Variants in TDRD12 observed in about 807,000 individuals in gnomAD.
The protein encoded by TDRD12 is tudor domain containing 12, also known as putative ATP-dependent RNA helicase TDRD12.
TDRD12 carries 158 observed loss-of-function variants against 133.5 expected under a neutral mutation model. The ratio of observed to expected loss-of-function variants is 1.18; its 90% CI spans 1.04 to 1.35. TDRD12 has a LOEUF of 1.35. Among genes scored for constraint, TDRD12 ranks in the 40% most tolerant of loss-of-function variants. The probability of loss-of-function intolerance (pLI) is 0.00; values close to 1 mark genes in which losing one functional copy is unlikely to be tolerated. For missense variants in TDRD12, 1,443 were observed against 1,321.3 expected (o/e 1.09, Z -1.43); for synonymous variants, 460 against 477.9 (o/e 0.96, Z 0.49).
intron 27 of TDRD12, among the ~76,000 whole-genome samples, chr19:32,819,650 G>C (rs1967310333): frequency 6.6e-6 from 1 of 152,178 alleles, no homozygotes; most frequent in Admixed American, 6.5e-5. Flanking sequence ...AGAGCATACA[G>C]CACTGCGAGG....
At chr19:32,825,185 TGTGACACCGAGGATGGC>T (rs1398410685), downstream of TDRD12, among the ~76,000 whole-genome samples, 1 of 152,240 alleles carries the variant, frequency 6.6e-6, no homozygotes, top group Non-Finnish European at 1.5e-5. The surrounding 1 kb of genome is among the most constrained non-coding windows in gnomAD (Gnocchi z 4.1). Context: ...GCAGGCGGCA[TGTGACACCGAGGATGGC>T]GCTTTCTCAG....
At position 32,773,447 on chromosome 19, in the gene TDRD12, C is replaced by T. The variant is rs529014022; in HGVS notation, c.964-9C>T. 332 of 1,551,386 alleles carry T rather than the reference C, an allele frequency of 2.1e-4. 1 individual carries two copies. The highest frequency in any genetic ancestry group is 3.5e-5 in the Non-Finnish European group (40 of 1,146,780). On this transcript the variant is annotated splice_polypyrimidine_tract_variant and intron_variant, in intron 9 of 27. Transcript: ENST00000444215. ...CACATTCTTTCTGAAGAAAAGTTTT[C>T]TTTTACAGCGTGTTGAATCCTCAGT... is the stretch of plus-strand genomic sequence containing the variant.
intron 8 of TDRD12, among the ~76,000 whole-genome samples, chr19:32,763,725 G>T (rs1255544432): frequency 6.6e-6 from 1 of 152,210 alleles, no homozygotes; most frequent in Non-Finnish European, 1.5e-5. Context: ...TGACCCCGGA[G>T]TTTTAACTAA....
intron 1 of TDRD12, 103 bp downstream of exon 1, chr19:32,720,199 C>A: frequency 7.4e-7 from 1 of 1,353,130 alleles, no homozygotes; most frequent in Non-Finnish European, 1.0e-6. Flanking sequence ...GCACAGCTTC[C>A]TACACCCACC....
chr19:32,789,012 G>A (rs1970990228), intron 11 of TDRD12, among the ~76,000 whole-genome samples: 1 of 152,174 alleles, frequency 6.6e-6, no homozygotes, highest in South Asian at 2.1e-4. Flanking sequence ...CCCGAGTCCT[G>A]AGAGTTCTGC....
exon 8 of TDRD12, chr19:32,757,039 T>G (rs1463283540): frequency 1.3e-6 from 2 of 1,551,342 alleles, no homozygotes; most frequent in Non-Finnish European, 1.7e-6. Context: ...TTCTATCAGA[T>G]TCACATGGTG....
chr19:32,822,578 T>C, downstream of TDRD12, among the ~76,000 whole-genome samples: 1 of 151,800 alleles, frequency 6.6e-6, no homozygotes, highest in Non-Finnish European at 1.5e-5. Flanking sequence ...AAACCCCGTC[T>C]CTACTAAAAA....
At chr19:32,796,503 T>G (rs1971231664) in intron 14 of TDRD12, among the ~76,000 whole-genome samples, 1 of 151,856 alleles carries the variant, frequency 6.6e-6, no homozygotes, top group South Asian at 2.1e-4. Context: ...GAGAATCGCT[T>G]GAACCTGGGA....
chr19:32,805,121 G>A (rs1971505357), intron 21 of TDRD12, among the ~76,000 whole-genome samples: 1 of 149,740 alleles, frequency 6.7e-6, no homozygotes, highest in East Asian at 2.0e-4. Flanking sequence ...AACACACAGA[G>A]ACCCCGTCTC....
chr19:32,741,992 C>T (rs1456177308), intron 3 of TDRD12, among the ~76,000 whole-genome samples: 1 of 152,178 alleles, frequency 6.6e-6, no homozygotes, highest in Admixed American at 6.5e-5. Context: ...CTCTTTTGTG[C>T]AAAGTTGGCA....
chr19:32,810,371 A>T (rs1966961070), intron 23 of TDRD12, 94 bp downstream of exon 23: 1 of 1,056,192 alleles, frequency 9.5e-7, no homozygotes, highest in Non-Finnish European at 1.3e-6. Context: ...CATTTGACTG[A>T]GTGTGTATGT....
chr19:32,732,866 G>GT (rs1159602444), intron 2 of TDRD12, among the ~76,000 whole-genome samples: 3 of 152,206 alleles, frequency 2.0e-5, no homozygotes, highest in Non-Finnish European at 4.4e-5. Context: ...CAGGTCAATT[G>GT]TTTTTAAAAA....
chr19:32,781,745 G>A (rs1027063827), intron 11 of TDRD12, among the ~76,000 whole-genome samples: 4 of 151,490 alleles, frequency 2.6e-5, no homozygotes, highest in Admixed American at 6.6e-5. Flanking sequence ...TGTTGCCGGT[G>A]TTTGGAAGTT....
chr19:32,776,288 G>A (rs1452037219), intron 10 of TDRD12, among the ~76,000 whole-genome samples: 1 of 152,266 alleles, frequency 6.6e-6, no homozygotes, highest in East Asian at 1.9e-4. Context: ...TTTTCCTCAC[G>A]CAGTCTTTGG....
intron 21 of TDRD12, among the ~76,000 whole-genome samples, chr19:32,806,346 T>TTG (rs1568489884): frequency 1.3e-5 from 2 of 151,330 alleles, no homozygotes; most frequent in African/African-American, 4.9e-5. Flanking sequence ...AGTTTTTTTT[T>TTG]TTTTTTTTTT....
intron 24 of TDRD12, among the ~76,000 whole-genome samples, chr19:32,812,160 C>T (rs1183146453): frequency 1.3e-5 from 2 of 152,090 alleles, no homozygotes; most frequent in Non-Finnish European, 2.9e-5. Flanking sequence ...TGCGGGCTCA[C>T]GTGGCCATCC....
downstream of TDRD12, among the ~76,000 whole-genome samples, chr19:32,824,848 C>A (rs929615395): frequency 1.3e-5 from 2 of 152,080 alleles, no homozygotes; most frequent in African/African-American, 4.8e-5. Flanking sequence ...TTTGTGTTTC[C>A]CGGGGCACAT....
chr19:32,810,156 G>C, exon 23 of TDRD12: 3 of 1,534,824 alleles, frequency 2.0e-6, no homozygotes, highest in African/African-American at 2.7e-5. Flanking sequence ...TAAACACATG[G>C]ATCTTTATGC....
chr19:32,806,400 T>C (rs1971551945), intron 21 of TDRD12, among the ~76,000 whole-genome samples: 2 of 145,926 alleles, frequency 1.4e-5, no homozygotes, highest in Admixed American at 7.0e-5. Flanking sequence ...TAGAGTGCAA[T>C]GGCGTGATCT....
Sources: allele counts gnomAD v4.1 joint callset (sites outside exome capture counted in the v4.1 genomes callset), GRCh38; gene constraint gnomAD v4.1.1; non-coding constraint Gnocchi (gnomAD v3.1); transcripts MANE v1.5; gene names NCBI Gene and HGNC (gene_info 2026-07-23, HGNC 2026-07-21).